XPO7: variants seen among roughly 807,000 people sequenced by gnomAD.
XPO7 encodes exportin-7.
XPO7 carries 21 observed loss-of-function variants against 144.3 expected under a neutral mutation model. The ratio of observed to expected loss-of-function variants is 0.15; its 90% CI spans 0.10 to 0.21. The LOEUF (loss-of-function observed/expected upper bound fraction) is 0.21, where lower values mean the gene tolerates loss of function less well. XPO7 is among the 10% of genes least tolerant of loss of function. The pLI is 1.00. For synonymous variants in XPO7, 580 were observed against 499.6 expected (o/e 1.16, Z -2.15); for missense variants, 808 against 1,325.8 (o/e 0.61, Z 6.06).
chr8:21,980,309 C>G, intron 9 of XPO7, 106 bp downstream of exon 9: 1 of 1,343,752 alleles, frequency 7.4e-7, no homozygotes, highest in Non-Finnish European at 9.8e-7. Context: ...TCAGTCTGTT[C>G]TTCAGGGAAG....
intron 1 of XPO7, among the ~76,000 whole-genome samples, chr8:21,954,070 C>T (rs1218315886): frequency 6.6e-6 from 1 of 152,084 alleles, no homozygotes; most frequent in Non-Finnish European, 1.5e-5. Context: ...TTCTCTGGGC[C>T]AGTTTATGTA....
At chr8:21,923,213 G>C (rs1320536101) in intron 1 of XPO7, among the ~76,000 whole-genome samples, 1 of 152,166 alleles carries the variant, frequency 6.6e-6, no homozygotes, top group Non-Finnish European at 1.5e-5. Context: ...TTTCTGTGCT[G>C]GGCACTTCAG....
At chr8:22,004,257 T>A (rs1813250399) in intron 27 of XPO7, among the ~76,000 whole-genome samples, 1 of 152,230 alleles carries the variant, frequency 6.6e-6, no homozygotes, top group South Asian at 2.1e-4. Context: ...ATCAGTATTT[T>A]AAAATTGTGG....
intron 1 of XPO7, among the ~76,000 whole-genome samples, chr8:21,939,217 TTTC>T (rs769268170): frequency 3.0e-4 from 34 of 111,686 alleles, no homozygotes; most frequent in Non-Finnish European, 5.1e-4. Flanking sequence ...TGGATTTCTT[TTTC>T]TTTTCTTTTT....
intron 25 of XPO7, 106 bp downstream of exon 25, chr8:22,002,378 T>A (rs2094124635): frequency 7.5e-7 from 1 of 1,340,086 alleles, no homozygotes; most frequent in South Asian, 1.4e-5. Context: ...CTCATCAGGT[T>A]CCTGCTGCTG....
chr8:21,989,139 T>G, intron 16 of XPO7, 56 bp downstream of exon 16: 1 of 1,486,416 alleles, frequency 6.7e-7, no homozygotes, highest in Non-Finnish European at 9.3e-7. Context: ...GCCACAGTCT[T>G]AGAATCATGG....
chr8:21,977,594 A>G (rs2117347303), intron 7 of XPO7, among the ~76,000 whole-genome samples, 176 bp from the exon 8 acceptor site: 2 of 152,336 alleles, frequency 1.3e-5, no homozygotes, highest in East Asian at 3.9e-4. Flanking sequence ...CAAAAAAAAG[A>G]GAAAAGAAAA....
chr8:21,983,620 G>C (rs1812475392), intron 11 of XPO7, among the ~76,000 whole-genome samples: 1 of 152,190 alleles, frequency 6.6e-6, no homozygotes, highest in Non-Finnish European at 1.5e-5. Flanking sequence ...CACTCCTGAG[G>C]ATTCGGCTGG....
intron 6 of XPO7, among the ~76,000 whole-genome samples, chr8:21,975,044 A>G (rs1004975577): frequency 7.9e-5 from 12 of 152,226 alleles, no homozygotes; most frequent in Non-Finnish European, 1.3e-4. Flanking sequence ...CCTATCTTAA[A>G]GGGATCTAGT....
chr8:21,934,498 A>C (rs1810759369), intron 1 of XPO7, among the ~76,000 whole-genome samples: 1 of 152,044 alleles, frequency 6.6e-6, no homozygotes, highest in African/African-American at 2.4e-5. Context: ...GCGCCACTGC[A>C]CTCCAGCCTG....
intron 10 of XPO7, among the ~76,000 whole-genome samples, 175 bp from the exon 11 acceptor site, chr8:21,982,465 C>G (rs752766562): frequency 3.3e-5 from 5 of 152,144 alleles, no homozygotes; most frequent in Non-Finnish European, 7.4e-5. Flanking sequence ...GATGCTTAAT[C>G]TTGAAAATAC....
Position 21,987,793 on chromosome 8 carries a change from C to A in XPO7, c.1723C>A (p.Arg575=). 1.9e-6 allele frequency: 3 copies of A among 1,613,850 alleles called. No individual in the cohort carries two copies. The highest frequency in any genetic ancestry group is 1.1e-5 in the South Asian group (1 of 91,064). The change falls in exon 15 of 28, where the codon CGA becomes AGA. Residue 575 remains arginine (R), a synonymous_variant. Coordinates refer to ENST00000252512, the MANE Select transcript of XPO7 (RefSeq NM_015024.5). Reference sequence around the variant, plus strand: ...CTCTTCTTAACACCAGCTGTACCGCCGACTCTCAGAAGTTCTGGGCTTGAA... The same window carrying A: ...CTCTTCTTAACACCAGCTGTACCGCAGACTCTCAGAAGTTCTGGGCTTGAA... ...QVQKSSKLYR[R]LSEVLGLNDE...
chr8:21,946,082 A>G lies in XPO7; in HGVS notation c.19-20775A>G, dbSNP rs563707786. ...TCGGGATTTCCATAGATTTATGTCA[A>G]CATATGATGAGCTTATAAACAAAAA... On this transcript the variant is annotated intron_variant, in intron 1 of 27. Transcript: ENST00000252512. Among the ~76,000 whole-genome samples the G allele has an allele frequency of 5.9e-5, 9 of 152,282 alleles. No individual in the cohort carries two copies. The East Asian group carries it at 1.7e-3, about 29-fold the overall frequency.
intron 1 of XPO7, among the ~76,000 whole-genome samples, chr8:21,925,339 GGAAGGATGTATTTAAGA>G (rs1260300602): frequency 1.3e-5 from 2 of 152,170 alleles, no homozygotes; most frequent in African/African-American, 4.8e-5. Flanking sequence ...CCATAAAATG[GGAAGGATGTATTTAAGA>G]GAAGGCAGAA....
chr8:22,003,822 T>G (rs901193334), intron 26 of XPO7, 81 bp from the exon 27 acceptor site: 4 of 1,589,390 alleles, frequency 2.5e-6, no homozygotes, highest in Non-Finnish European at 3.4e-6. Flanking sequence ...GAGAAGAACA[T>G]TCTTCAACCC....
At chr8:21,936,909 G>T (rs1406465605) in intron 1 of XPO7, among the ~76,000 whole-genome samples, 2 of 152,044 alleles carry the variant, frequency 1.3e-5, no homozygotes, top group East Asian at 3.8e-4. Context: ...GAGTTGAGGG[G>T]GAAGCATTGT....
intron 1 of XPO7, among the ~76,000 whole-genome samples, chr8:21,933,655 A>G (rs1810727869): frequency 6.6e-6 from 1 of 152,184 alleles, no homozygotes; most frequent in African/African-American, 2.4e-5. Flanking sequence ...TTAAGAAAGC[A>G]TTGTTAAACC....
intron 19 of XPO7, among the ~76,000 whole-genome samples, chr8:21,993,176 G>C (rs10503715): frequency 6.6e-6 from 1 of 151,988 alleles, no homozygotes; most frequent in African/African-American, 2.4e-5. Context: ...CCAATATCAA[G>C]GATTTAGGGA....
At chr8:21,948,676 A>T (rs1293177948) in intron 1 of XPO7, among the ~76,000 whole-genome samples, 2 of 152,188 alleles carry the variant, frequency 1.3e-5, no homozygotes, top group Non-Finnish European at 1.5e-5. Context: ...GATATGAGGA[A>T]TTGAGCTTTT....
Sources: gnomAD v4.1 joint callset for allele counts (sites outside exome capture counted in the v4.1 genomes callset) on GRCh38, gnomAD v4.1.1 for gene constraint, MANE v1.5 for transcripts, NCBI Gene and HGNC (gene_info 2026-07-23, HGNC 2026-07-21) for gene names.